Variants in AIG1 observed in about 807,000 individuals in gnomAD.
The protein encoded by AIG1 is androgen-induced gene 1 protein.
A neutral mutation model predicts 31.4 loss-of-function variants in AIG1; 23 were observed. The ratio of observed to expected loss-of-function variants is 0.73; its 90% CI spans 0.53 to 1.04. The LOEUF is 1.04. Ranked by LOEUF, AIG1 falls within the 50% of genes least tolerant of loss-of-function variation. AIG1 has a pLI of 0.00. For missense variants in AIG1, 274 were observed against 295.0 expected, an observed-to-expected ratio of 0.93 and a Z score of 0.52; for synonymous variants, 100 against 110.5, an observed-to-expected ratio of 0.90 and a Z score of 0.60.
At chr6:143,136,512 T>C (rs1783768272) in intron 1 of AIG1, among the ~76,000 whole-genome samples, 1 of 152,172 alleles carries the variant, frequency 6.6e-6, no homozygotes, top group Non-Finnish European at 1.5e-5. Context: ...TGACAAACCA[T>C]AGACATGATG....
chr6:143,220,002 G>A (rs1196405282), intron 3 of AIG1, among the ~76,000 whole-genome samples: 1 of 152,084 alleles, frequency 6.6e-6, no homozygotes, highest in African/African-American at 2.4e-5. Flanking sequence ...CTGTGCTGCA[G>A]ATCCTCCCAC....
chr6:143,070,441 A>AT (rs1777141962), intron 1 of AIG1, among the ~76,000 whole-genome samples: 1 of 152,036 alleles, frequency 6.6e-6, no homozygotes, highest in Non-Finnish European at 1.5e-5. Context: ...TGTGAATGGT[A>AT]TTTTTAATTT....
intron 3 of AIG1, among the ~76,000 whole-genome samples, chr6:143,171,841 T>G (rs1192543791): frequency 6.6e-6 from 1 of 151,946 alleles, no homozygotes; most frequent in African/African-American, 2.4e-5. Flanking sequence ...TGCCAACATC[T>G]ATTATTATTT....
upstream of AIG1, among the ~76,000 whole-genome samples, chr6:143,060,072 A>G (rs1051836717): frequency 2.0e-5 from 3 of 152,240 alleles, no homozygotes; most frequent in Admixed American, 6.5e-5. Flanking sequence ...GCTGAATGCA[A>G]TCTTGTGGCA....
At chr6:143,172,484 A>G (rs1438957105) in intron 3 of AIG1, among the ~76,000 whole-genome samples, 1 of 151,842 alleles carries the variant, frequency 6.6e-6, no homozygotes, top group Non-Finnish European at 1.5e-5. Context: ...TTTATTGAGG[A>G]TTTTTGCATC....
In AIG1 at chr6:143,241,531, A is replaced by G. The variant is rs574964941; in HGVS notation, c.400-42579A>G. Among the ~76,000 whole-genome samples the G allele has an allele frequency of 6.6e-5, 10 of 152,110 alleles. No homozygotes were observed. The South Asian group carries it at 2.1e-3, about 32-fold the overall frequency. ...CGCTCTACTGTTAAACTTCCTATCA[A>G]AAGCTTCACTTTGTACTTCATTTTA... On this transcript the variant is annotated intron_variant, in intron 3 of 5. Coordinates refer to ENST00000357847, the MANE Select transcript of AIG1 (RefSeq NM_016108.4).
At chr6:143,217,667 C>T (rs1792137739) in intron 3 of AIG1, among the ~76,000 whole-genome samples, 1 of 152,140 alleles carries the variant, frequency 6.6e-6, no homozygotes, top group African/African-American at 2.4e-5. Context: ...TGCCACCACA[C>T]CTGGCTAAGT....
chr6:143,149,716 C>T (rs548423813), intron 2 of AIG1, among the ~76,000 whole-genome samples: 11 of 152,192 alleles, frequency 7.2e-5, no homozygotes, highest in East Asian at 5.8e-4. Flanking sequence ...TACAGTTTTA[C>T]GGAACAGCTT....
intron 3 of AIG1, among the ~76,000 whole-genome samples, chr6:143,214,653 T>C (rs1791864356): frequency 6.6e-6 from 1 of 152,182 alleles, no homozygotes; most frequent in Non-Finnish European, 1.5e-5. Context: ...CTATCACTTC[T>C]CAGGGAACTC....
chr6:143,322,907 T>C (rs1252537937), intron 4 of AIG1, among the ~76,000 whole-genome samples: 1 of 152,338 alleles, frequency 6.6e-6, no homozygotes. Flanking sequence ...TATTATATAT[T>C]TCTGCATAAG....
chr6:143,263,301 A>T, intron 3 of AIG1, among the ~76,000 whole-genome samples: 1 of 149,900 alleles, frequency 6.7e-6, no homozygotes. Flanking sequence ...CTTTCTTATA[A>T]CTTACTTAAG....
rs539386149 is a variant in AIG1 at position 143,145,713 on chromosome 6, A to G, written c.297+8723A>G. Among the ~76,000 whole-genome samples, 11 of 152,356 alleles carry G rather than the reference A, an allele frequency of 7.2e-5. No individual in the cohort carries two copies. The South Asian group carries it at 2.3e-3, about 32-fold the overall frequency. On this transcript the variant is annotated intron_variant, in intron 2 of 5. Coordinates refer to ENST00000357847, the MANE Select transcript of AIG1 (RefSeq NM_016108.4). ...TTAGGGGCTGGGCATATTGCTACCC[A>G]AACAAAATCAGGAGTTTTAAAAAAT...
intron 3 of AIG1, among the ~76,000 whole-genome samples, chr6:143,243,808 C>T (rs2128641484): frequency 6.6e-6 from 1 of 152,316 alleles, no homozygotes; most frequent in South Asian, 2.1e-4. Context: ...CATATCCCAA[C>T]ATTATCAAGC....
chr6:143,315,801 A>G (rs565356071), intron 4 of AIG1, among the ~76,000 whole-genome samples: 1 of 152,066 alleles, frequency 6.6e-6, no homozygotes, highest in Non-Finnish European at 1.5e-5. Context: ...ATAATAATCC[A>G]CTTGACTCAG....
chr6:143,302,155 T>C (rs1168981462), intron 4 of AIG1, among the ~76,000 whole-genome samples: 3 of 151,182 alleles, frequency 2.0e-5, no homozygotes, highest in Admixed American at 6.6e-5. Context: ...GAATTCTACT[T>C]TTTTTTTTCA....
chr6:143,278,098 G>GC (rs1797074273), intron 3 of AIG1, among the ~76,000 whole-genome samples: 3 of 152,226 alleles, frequency 2.0e-5, no homozygotes, highest in African/African-American at 7.2e-5. Flanking sequence ...CCAGGAGCCA[G>GC]TCCAGACCCT....
intron 4 of AIG1, among the ~76,000 whole-genome samples, chr6:143,311,478 G>GT (rs1775269033): frequency 6.6e-6 from 1 of 151,984 alleles, no homozygotes; most frequent in South Asian, 2.1e-4. Context: ...CAAGTGGAAT[G>GT]TATTCTAGGC....
downstream of AIG1, chr6:143,342,266 G>A (rs1035873711): frequency 1.3e-5 from 9 of 685,370 alleles, no homozygotes; most frequent in East Asian, 1.1e-4. Context: ...GAGGCTGGGC[G>A]CAGAGAGGCT....
At chr6:143,090,844 T>C (rs1177537116) in intron 1 of AIG1, among the ~76,000 whole-genome samples, 1 of 152,192 alleles carries the variant, frequency 6.6e-6, no homozygotes, top group African/African-American at 2.4e-5. Flanking sequence ...CTGTGAAGTT[T>C]GCTGCATTGA....
Sources: allele counts gnomAD v4.1 joint callset (sites outside exome capture counted in the v4.1 genomes callset), GRCh38; gene constraint gnomAD v4.1.1; transcripts MANE v1.5; gene names NCBI Gene and HGNC (gene_info 2026-07-23, HGNC 2026-07-21).